The following BCAS3 variants were observed in gnomAD, a reference collection of about 807,000 sequenced individuals.
BCAS3 encodes the protein BCAS4/BCAS3 fusion.
Under a neutral mutation model 116.1 loss-of-function variants are expected in BCAS3, and 53 were observed. The ratio of observed to expected loss-of-function variants is 0.46; its 90% CI spans 0.37 to 0.57. BCAS3 has a LOEUF of 0.57. Ranked by LOEUF, BCAS3 falls within the 20% of genes least tolerant of loss-of-function variation. The pLI is 0.00. For missense variants in BCAS3, 917 were observed against 1,165.4 expected, an observed-to-expected ratio of 0.79 and a Z score of 3.10; for synonymous variants, 391 against 408.2, an observed-to-expected ratio of 0.96 and a Z score of 0.51.
At position 61,078,558 on chromosome 17, in the gene BCAS3, G is replaced by A. The variant is rs753890575; in HGVS notation, c.2327+29G>A. The A allele has an allele frequency of 1.9e-6, 3 of 1,561,810 alleles. No individual in the cohort carries two copies. The South Asian group carries it at 3.4e-5, about 18-fold the overall frequency. ...GGAAATGAGAATTAGGGAGTGATTT[G>A]AACAAAAGGATTAATATGTTCGTGT... On this transcript the variant is annotated intron_variant, in intron 21 of 23. Coordinates refer to ENST00000407086, the MANE Select transcript of BCAS3 (RefSeq NM_017679.5).
rs2079782387 is a variant in BCAS3, at chr17:61,186,463, A to G, written c.2425+101899A>G. On this transcript the variant is annotated intron_variant, in intron 22 of 23. Coordinates refer to ENST00000407086, the MANE Select transcript of BCAS3 (RefSeq NM_017679.5). The surrounding 1 kb of genome is among the most constrained non-coding windows in gnomAD (Gnocchi z 4.9). ...TTCAGTGGTATACACATGTCAATTT[A>G]TGCTGCGTAACTCAGAGCCTGCTTC... 6.6e-6 allele frequency among the ~76,000 whole-genome samples: 1 copy of G among 152,194 alleles called. No individual in the cohort carries two copies. The highest frequency in any genetic ancestry group is 2.4e-5 in the African/African-American group (1 of 41,462).
intron 11 of BCAS3, among the ~76,000 whole-genome samples, 177 bp from the exon 12 acceptor site, chr17:60,910,355 T>C (rs974035768): frequency 2.3e-4 from 35 of 152,320 alleles, no homozygotes; most frequent in African/African-American, 7.7e-4. Context: ...AATACTGATA[T>C]TCTAATTAAA....
intron 9 of BCAS3, among the ~76,000 whole-genome samples, chr17:60,881,776 T>A (rs1015482292): frequency 1.3e-5 from 2 of 150,920 alleles, no homozygotes; most frequent in African/African-American, 4.9e-5. Flanking sequence ...GAACTCATCA[T>A]TTTTTATGGC....
chr17:61,135,667 A>G (rs2076586336), intron 22 of BCAS3, among the ~76,000 whole-genome samples: 1 of 152,194 alleles, frequency 6.6e-6, no homozygotes. Context: ...CAGTTCTCAC[A>G]TTTTTAAATG....
intron 15 of BCAS3, among the ~76,000 whole-genome samples, chr17:61,010,447 G>A (rs9652858): frequency 0.36 from 53,875 of 151,268 alleles, 15,819 homozygotes; most frequent in African/African-American, 0.81. Context: ...TATCCAAAAG[G>A]TAACAGGAAA....
chr17:60,868,538 T>TA (rs1567749710), intron 7 of BCAS3, 38 bp from the exon 8 acceptor site: 11 of 1,351,614 alleles, frequency 8.1e-6, no homozygotes, highest in South Asian at 4.3e-5. Context: ...CTTTCTTTTT[T>TA]AAAAAAATGA....
At chr17:60,971,793 G>C (rs1031913621) in intron 14 of BCAS3, among the ~76,000 whole-genome samples, 1 of 152,040 alleles carries the variant, frequency 6.6e-6, no homozygotes, top group African/African-American at 2.4e-5. Flanking sequence ...CTGTTGGTTG[G>C]GCTCTTCCCA....
chr17:61,152,116 A>T (rs2077573443), intron 22 of BCAS3, among the ~76,000 whole-genome samples: 1 of 152,154 alleles, frequency 6.6e-6, no homozygotes, highest in Admixed American at 6.5e-5. Flanking sequence ...GATGGCACGG[A>T]CCCAAAGAGT....
intron 5 of BCAS3, among the ~76,000 whole-genome samples, chr17:60,724,522 C>T (rs1400174573): frequency 2.0e-5 from 3 of 150,456 alleles, no homozygotes; most frequent in African/African-American, 7.4e-5. Context: ...GTCAGGAGTT[C>T]GAGACCATCT....
At chr17:60,864,979 A>G (rs767447797) in intron 7 of BCAS3, among the ~76,000 whole-genome samples, 1 of 152,196 alleles carries the variant, frequency 6.6e-6, no homozygotes, top group Non-Finnish European at 1.5e-5. Flanking sequence ...ACCGTCTTCT[A>G]TGGGTCCAGT....
chr17:61,142,092 AT>A (rs568158934), intron 22 of BCAS3, among the ~76,000 whole-genome samples: 58 of 149,096 alleles, frequency 3.9e-4, no homozygotes, highest in Non-Finnish European at 6.0e-4. Context: ...CTCTTGTTTT[AT>A]TTTTTTTTAA....
intron 5 of BCAS3, among the ~76,000 whole-genome samples, chr17:60,711,148 GATT>G (rs2037872130): frequency 7.0e-6 from 1 of 142,100 alleles, no homozygotes; most frequent in Non-Finnish European, 1.5e-5. Context: ...TAAGATGTGG[GATT>G]TTTTTTTTTT....
chr17:60,696,365 A>G (rs1378362170), intron 4 of BCAS3: 1 of 152,336 alleles, frequency 6.6e-6, no homozygotes. Flanking sequence ...AGGCTGAGGT[A>G]GGAGAATCGC....
chr17:61,084,807 G>A lies in BCAS3; in HGVS notation c.2425+243G>A, dbSNP rs754944882. On this transcript the variant is annotated intron_variant, in intron 22 of 23. Transcript: ENST00000407086. This position sits in a 1 kb window ranked among gnomAD's most constrained non-coding sequence, Gnocchi z 5.5. The stretch of plus-strand genomic sequence containing the variant: ...CACTTGATTAAATGTAATGAACATA[G>A]TATTGAAGGCTACAGGGTTGATGAC... 2.0e-5 allele frequency among the ~76,000 whole-genome samples: 3 copies of A among 152,224 alleles called. No individual in the cohort carries two copies. Among genetic ancestry groups the A allele is most frequent in the Non-Finnish European group, 2.9e-5 (2 of 68,046 alleles).
At chr17:60,690,979 C>T (rs1204684276) in intron 4 of BCAS3, among the ~76,000 whole-genome samples, 1 of 152,016 alleles carries the variant, frequency 6.6e-6, no homozygotes, top group Non-Finnish European at 1.5e-5. Context: ...GTCGCCCAGG[C>T]TGGAGTGCAG....
chr17:60,721,220 T>C (rs2039204711), intron 5 of BCAS3, among the ~76,000 whole-genome samples: 1 of 151,784 alleles, frequency 6.6e-6, no homozygotes, highest in Admixed American at 6.6e-5. Context: ...CAGAGAGAGG[T>C]TGAATATGGA....
intron 22 of BCAS3, among the ~76,000 whole-genome samples, chr17:61,270,442 C>T (rs1484520705): frequency 1.3e-5 from 2 of 151,260 alleles, no homozygotes; most frequent in East Asian, 4.0e-4. Flanking sequence ...ATTTTTTTAT[C>T]AGGTTGCTTT....
At chr17:61,045,977 T>A (rs1386945813) in intron 19 of BCAS3, among the ~76,000 whole-genome samples, 2 of 9,748 alleles carry the variant, frequency 2.1e-4, no homozygotes, top group Non-Finnish European at 2.6e-4. Flanking sequence ...TATATATATA[T>A]TATATATATA....
chr17:60,857,941 A>G (rs2053823798), intron 7 of BCAS3, among the ~76,000 whole-genome samples: 3 of 151,952 alleles, frequency 2.0e-5, no homozygotes, highest in Admixed American at 1.3e-4. Flanking sequence ...GGCTTGTTGC[A>G]TGAAGATTCT....
Sources: gnomAD v4.1 joint callset for allele counts (sites outside exome capture counted in the v4.1 genomes callset) on GRCh38, gnomAD v4.1.1 for gene constraint, Gnocchi (gnomAD v3.1) non-coding constraint, MANE v1.5 for transcripts, NCBI Gene and HGNC (gene_info 2026-07-23, HGNC 2026-07-21) for gene names.